The following STXBP6 variants were observed in gnomAD, a reference collection of about 807,000 sequenced individuals.
STXBP6 encodes the protein syntaxin binding protein 6.
In STXBP6, 21 loss-of-function variants were observed where a neutral mutation model predicts 26.9. The observed-to-expected ratio is 0.78, with a 90% CI of 0.55 to 1.12. The LOEUF (loss-of-function observed/expected upper bound fraction) is 1.12. Ranked by LOEUF, STXBP6 falls within the 50% of genes most tolerant of loss-of-function variation. The pLI is 0.00. For missense variants in STXBP6, 232 were observed against 257.9 expected, an observed-to-expected ratio of 0.90 and a Z score of 0.69; for synonymous variants, 97 against 92.6, an observed-to-expected ratio of 1.05 and a Z score of -0.27.
At chr14:24,906,655 A>G (rs371621056) in intron 2 of STXBP6, among the ~76,000 whole-genome samples, 4 of 152,352 alleles carry the variant, frequency 2.6e-5, no homozygotes, top group East Asian at 1.9e-4. Context: ...AGCTGAAGGA[A>G]AATGAAGGAT....
At chr14:25,046,614 A>C (rs1395727093) in intron 1 of STXBP6, among the ~76,000 whole-genome samples, 1 of 152,198 alleles carries the variant, frequency 6.6e-6, no homozygotes, top group Non-Finnish European at 1.5e-5. Flanking sequence ...TGGGCACTAC[A>C]TTATGTAAAC....
At chr14:25,036,347 A>T (rs2140487606) in intron 1 of STXBP6, among the ~76,000 whole-genome samples, 1 of 152,230 alleles carries the variant, frequency 6.6e-6, no homozygotes, top group African/African-American at 2.4e-5. Flanking sequence ...CAAAAGGGTG[A>T]GAACAGGTCT....
chr14:24,959,123 C>T (rs550158234), intron 2 of STXBP6, among the ~76,000 whole-genome samples: 147 of 152,314 alleles, frequency 9.7e-4, no homozygotes, highest in African/African-American at 3.3e-3. Context: ...AGCAGAGTTG[C>T]CACTTTCTGC....
At chr14:25,004,618 C>T (rs2074847269) in intron 1 of STXBP6, among the ~76,000 whole-genome samples, 1 of 152,240 alleles carries the variant, frequency 6.6e-6, no homozygotes, top group Non-Finnish European at 1.5e-5. Flanking sequence ...GTGGGAGTCC[C>T]ACTTGAGGCA....
chr14:24,909,682 A>G (rs138269953), intron 2 of STXBP6, among the ~76,000 whole-genome samples: 2 of 151,520 alleles, frequency 1.3e-5, no homozygotes, highest in Non-Finnish European at 2.9e-5. Context: ...CAGATCTAGC[A>G]TGTATCCTGG....
At chr14:25,010,653 AAGGCGGAG>A (rs1456178954) in intron 1 of STXBP6, 1 of 152,236 alleles carries the variant, frequency 6.6e-6, no homozygotes, top group Non-Finnish European at 1.5e-5. Context: ...AAAGCACAGA[AAGGCGGAG>A]CCTTAGTGAC....
intron 4 of STXBP6, among the ~76,000 whole-genome samples, chr14:24,832,856 T>A (rs1280817944): frequency 1.3e-5 from 2 of 152,222 alleles, no homozygotes; most frequent in Non-Finnish European, 2.9e-5. Context: ...TGTACTATTA[T>A]TAGAAACTAC....
intron 2 of STXBP6, among the ~76,000 whole-genome samples, chr14:24,935,617 C>T (rs901909237): frequency 6.6e-6 from 1 of 152,048 alleles, no homozygotes; most frequent in African/African-American, 2.4e-5. Context: ...GCTTTGCATA[C>T]AATATAACAG....
intron 2 of STXBP6, among the ~76,000 whole-genome samples, chr14:24,963,750 A>C (rs577341414): frequency 6.6e-6 from 1 of 152,328 alleles, no homozygotes; most frequent in African/African-American, 2.4e-5. Flanking sequence ...CACAATTTTA[A>C]GATAACCGCT....
intron 1 of STXBP6, among the ~76,000 whole-genome samples, chr14:24,991,970 C>T (rs1311533329): frequency 6.6e-6 from 1 of 152,184 alleles, no homozygotes; most frequent in Non-Finnish European, 1.5e-5. Context: ...CCTGCTGCTT[C>T]TCCCTGGGCT....
At chr14:24,988,720 C>G (rs755110594) in intron 1 of STXBP6, among the ~76,000 whole-genome samples, 3 of 152,172 alleles carry the variant, frequency 2.0e-5, no homozygotes, top group Non-Finnish European at 4.4e-5. Context: ...CGGAGACAGA[C>G]AGCCCCCAAT....
chr14:24,835,614 A>G (rs1389273151), intron 4 of STXBP6, among the ~76,000 whole-genome samples: 1 of 152,198 alleles, frequency 6.6e-6, no homozygotes, highest in Non-Finnish European at 1.5e-5. Flanking sequence ...TTAAAATGGA[A>G]TATTATTTTT....
chr14:24,917,742 GAT>G (rs983254539), intron 2 of STXBP6, among the ~76,000 whole-genome samples: 1 of 151,916 alleles, frequency 6.6e-6, no homozygotes, highest in Non-Finnish European at 1.5e-5. Flanking sequence ...ACAAAAAAAA[GAT>G]AAATTAAAAT....
chr14:24,908,056 C>T (rs2071444772), intron 2 of STXBP6, among the ~76,000 whole-genome samples: 1 of 152,130 alleles, frequency 6.6e-6, no homozygotes, highest in Admixed American at 6.5e-5. Context: ...TAACAGGCCT[C>T]TCAAGATAAC....
chr14:24,966,351 A>T (rs1427520618), intron 2 of STXBP6, among the ~76,000 whole-genome samples: 1 of 150,644 alleles, frequency 6.6e-6, no homozygotes, highest in African/African-American at 2.4e-5. Flanking sequence ...TTTTTAAGGG[A>T]GGGGAGAGTT....
chr14:24,982,811 C>G (rs1253709413), intron 1 of STXBP6, among the ~76,000 whole-genome samples: 1 of 152,204 alleles, frequency 6.6e-6, no homozygotes, highest in Admixed American at 6.5e-5. Flanking sequence ...TGTGTTTACA[C>G]AAGTTTATTT....
At chr14:24,962,291 A>T (rs758148286) in intron 2 of STXBP6, among the ~76,000 whole-genome samples, 363 of 5,198 alleles carry the variant, frequency 0.07, no homozygotes, top group Non-Finnish European at 0.077. Flanking sequence ...AAGATATTTT[A>T]TTTATTTATT....
At chr14:24,874,445 G>A (rs1320391357) in intron 2 of STXBP6, among the ~76,000 whole-genome samples, 2 of 152,010 alleles carry the variant, frequency 1.3e-5, no homozygotes, top group African/African-American at 2.4e-5. Flanking sequence ...TTCCACCGAC[G>A]GGTACAGACT....
At chr14:24,882,378 CAAAAAAAAAAAAAAAAAA>C (rs57240083) in intron 2 of STXBP6, among the ~76,000 whole-genome samples, 27 of 26,828 alleles carry the variant, frequency 1.0e-3, no homozygotes, top group South Asian at 6.3e-3. Flanking sequence ...GACTCCGTCT[CAAAAAAAAAAAAAAAAAA>C]AAAAAAAAAA....
Sources: allele counts gnomAD v4.1 joint callset (sites outside exome capture counted in the v4.1 genomes callset), GRCh38; gene constraint gnomAD v4.1.1; transcripts MANE v1.5; gene names NCBI Gene and HGNC (gene_info 2026-07-23, HGNC 2026-07-21).